Variants in TRHDE observed in about 807,000 individuals in gnomAD.
TRHDE encodes the protein thyrotropin releasing hormone degrading enzyme.
Under a neutral mutation model 125.7 loss-of-function variants are expected in TRHDE, and 72 were observed. That is an observed-to-expected ratio of 0.57 (90% confidence interval 0.47 to 0.70). The LOEUF (loss-of-function observed/expected upper bound fraction) is 0.70. Among genes scored for constraint, TRHDE ranks in the 30% least tolerant of loss-of-function variants. TRHDE has a pLI of 0.00. For missense variants in TRHDE, 1,110 were observed against 1,327.1 expected (o/e 0.84, Z 2.54); for synonymous variants, 509 against 509.1 (o/e 1.00, Z 0.00).
chr12:72,295,232 G>A (rs539118657), intron 2 of TRHDE, among the ~76,000 whole-genome samples: 14 of 152,056 alleles, frequency 9.2e-5, no homozygotes, highest in South Asian at 4.1e-4. Context: ...TGGTTTGGGC[G>A]GCTGCAGCAG....
At chr12:72,591,233 A>G (rs1317330740) in intron 12 of TRHDE, among the ~76,000 whole-genome samples, 2 of 152,244 alleles carry the variant, frequency 1.3e-5, no homozygotes, top group African/African-American at 4.8e-5. Context: ...TATGGAAGCT[A>G]CAATTCAAGA....
At chr12:72,470,388 C>T (rs925014957) in intron 4 of TRHDE, among the ~76,000 whole-genome samples, 1 of 152,198 alleles carries the variant, frequency 6.6e-6, no homozygotes. Flanking sequence ...ACTAACTCAG[C>T]CATAGACTCT....
intron 5 of TRHDE, among the ~76,000 whole-genome samples, chr12:72,491,948 G>A (rs888632292): frequency 3.3e-5 from 5 of 151,818 alleles, no homozygotes; most frequent in African/African-American, 1.2e-4. Context: ...ATCATGTACC[G>A]CTTTCCATAA....
chr12:72,444,619 G>A (rs1380803822), intron 3 of TRHDE, among the ~76,000 whole-genome samples: 1 of 151,806 alleles, frequency 6.6e-6, no homozygotes, highest in Non-Finnish European at 1.5e-5. Flanking sequence ...TGTCCTAATT[G>A]TGGGCCTAAT....
At chr12:72,248,793 A>G (rs917297733) in intron 2 of TRHDE, among the ~76,000 whole-genome samples, 1 of 152,324 alleles carries the variant, frequency 6.6e-6, no homozygotes, top group East Asian at 1.9e-4. Context: ...TTAAGGTGCA[A>G]ATTCTTACAG....
Position 72,378,129 on chromosome 12 carries a change from T to C in TRHDE, c.1315+8T>C. The C allele has an allele frequency of 6.4e-7, 1 of 1,566,106 alleles. No individual in the cohort carries two copies. Among genetic ancestry groups the C allele is most frequent in the African/African-American group, 1.4e-5 (1 of 72,494 alleles). On this transcript the variant is annotated splice_region_variant and intron_variant, in intron 3 of 18. Coordinates refer to ENST00000261180, the MANE Select transcript of TRHDE (RefSeq NM_013381.3). ...ATTCCTTGCCAAAACTAGGTAAGAA[T>C]TTTCTTGGTTATTTTATTGGAAGGG...
chr12:72,430,031 ATGTTTTGTTGT>A (rs1874376306), intron 3 of TRHDE, among the ~76,000 whole-genome samples: 2 of 151,228 alleles, frequency 1.3e-5, no homozygotes, highest in African/African-American at 2.4e-5. Flanking sequence ...TGATTTAGCT[ATGTTTTGTTGT>A]TGTTTTGTTT....
intron 1 of TRHDE, among the ~76,000 whole-genome samples, chr12:72,096,134 T>TATACACACACACACACACACACACAC (rs1555218842): frequency 6.2e-5 from 9 of 145,196 alleles, no homozygotes; most frequent in African/African-American, 2.3e-4. Flanking sequence ...CTTATGTGTA[T>TATACACACACACACACACACACACAC]ACACACACAC....
At chr12:72,457,276 T>C (rs912218976) in intron 3 of TRHDE, among the ~76,000 whole-genome samples, 7 of 152,194 alleles carry the variant, frequency 4.6e-5, no homozygotes, top group Non-Finnish European at 1.0e-4. Context: ...TTCATCTTAG[T>C]GTTAAAATGT....
intron 2 of TRHDE, among the ~76,000 whole-genome samples, chr12:72,311,138 A>G (rs1391570380): frequency 1.3e-5 from 2 of 152,092 alleles, no homozygotes; most frequent in Non-Finnish European, 2.9e-5. Flanking sequence ...CATCACTCCA[A>G]AATGTTCCTT....
chr12:72,396,196 T>C (rs1872782212), intron 3 of TRHDE, among the ~76,000 whole-genome samples: 1 of 152,224 alleles, frequency 6.6e-6, no homozygotes, highest in East Asian at 1.9e-4. Context: ...TATACCCTGT[T>C]TTAAGCAAAT....
chr12:72,516,072 T>C (rs1878843350), intron 6 of TRHDE, among the ~76,000 whole-genome samples: 2 of 151,880 alleles, frequency 1.3e-5, no homozygotes, highest in Admixed American at 1.3e-4. Flanking sequence ...TGAAGTCAGG[T>C]AGCGTGATGC....
At chr12:72,499,672 A>T in intron 6 of TRHDE, 37 bp downstream of exon 6, 2 of 1,605,306 alleles carry the variant, frequency 1.2e-6, no homozygotes. Flanking sequence ...TAGATATTTC[A>T]TTACCAAGAT....
rs566397759 is a variant in TRHDE at position 72,107,111 on chromosome 12, T to C, written n.279+1359T>C. ...TCTAAATGAATAGTAATGACATGTC[T>C]ATTTTAATTAATTCTGTTCCTACCT... On this transcript the variant is annotated intron_variant and non_coding_transcript_variant, in intron 2 of 4. Transcript: ENST00000548156. Among the ~76,000 whole-genome samples the C allele has an allele frequency of 7.2e-5, 11 of 152,310 alleles. No individual in the cohort carries two copies. The South Asian group carries it at 2.3e-3, about 32-fold the overall frequency.
chr12:72,244,277 T>A (rs565922045), intron 2 of TRHDE, among the ~76,000 whole-genome samples: 1 of 152,264 alleles, frequency 6.6e-6, no homozygotes, highest in East Asian at 1.9e-4. Context: ...GCCTTCAACC[T>A]GAAGCACACA....
At chr12:72,305,317 C>T (rs1228853660) in intron 2 of TRHDE, among the ~76,000 whole-genome samples, 1 of 152,144 alleles carries the variant, frequency 6.6e-6, no homozygotes, top group Non-Finnish European at 1.5e-5. Flanking sequence ...TTAATCCTCC[C>T]TGAAAAATGG....
At chr12:72,226,041 G>A (rs1878122275) in intron 2 of TRHDE, among the ~76,000 whole-genome samples, 1 of 152,220 alleles carries the variant, frequency 6.6e-6, no homozygotes, top group African/African-American at 2.4e-5. Flanking sequence ...CCACAGATTA[G>A]CTGGATGCTA....
At chr12:72,506,561 G>A (rs1232859170) in intron 6 of TRHDE, among the ~76,000 whole-genome samples, 1 of 152,086 alleles carries the variant, frequency 6.6e-6, no homozygotes. Context: ...TGACACTTGG[G>A]TACTTAAGTG....
chr12:72,246,246 C>A (rs1199352434), intron 2 of TRHDE, among the ~76,000 whole-genome samples: 1 of 135,726 alleles, frequency 7.4e-6, no homozygotes, highest in Non-Finnish European at 1.8e-5. Flanking sequence ...AGCAAAAATG[C>A]ATATAATAAC....
Sources: gnomAD v4.1 joint callset for allele counts (sites outside exome capture counted in the v4.1 genomes callset) on GRCh38, gnomAD v4.1.1 for gene constraint, MANE v1.5 for transcripts, NCBI Gene and HGNC (gene_info 2026-07-23, HGNC 2026-07-21) for gene names.